Variants in ZFYVE28 observed in about 807,000 individuals in gnomAD.
ZFYVE28 encodes the protein zinc finger FYVE-type containing 28, also known as lateral signaling target protein 2 homolog.
Under a neutral mutation model 82.1 loss-of-function variants are expected in ZFYVE28, and 40 were observed. The observed-to-expected ratio is 0.49, with a 90% CI of 0.38 to 0.63. ZFYVE28 has a LOEUF of 0.63. ZFYVE28 is among the 30% of genes least tolerant of loss of function. The pLI is 0.00. For synonymous variants in ZFYVE28, 612 were observed against 546.1 expected, an observed-to-expected ratio of 1.12 and a Z score of -1.68; for missense variants, 1,321 against 1,242.1, an observed-to-expected ratio of 1.06 and a Z score of -0.96.
chr4:2,355,909 A>G (rs1339842174), intron 1 of ZFYVE28, among the ~76,000 whole-genome samples: 3 of 152,226 alleles, frequency 2.0e-5, no homozygotes, highest in African/African-American at 7.2e-5. Context: ...GACTCTTTAT[A>G]ATCACAGAGA....
chr4:2,301,385 T>C (rs1479821285), intron 8 of ZFYVE28, among the ~76,000 whole-genome samples: 1 of 152,160 alleles, frequency 6.6e-6, no homozygotes, highest in African/African-American at 2.4e-5. Flanking sequence ...CTGACCTAAA[T>C]TGAACCGAAC....
At chr4:2,384,159 G>T (rs1322139349) in intron 1 of ZFYVE28, among the ~76,000 whole-genome samples, 1 of 152,154 alleles carries the variant, frequency 6.6e-6, no homozygotes, top group Non-Finnish European at 1.5e-5. Context: ...AGGCCCCCGG[G>T]ACTGTCAGCC....
Position 2,304,322 on chromosome 4 carries a change from G to GC in ZFYVE28, c.2017dup (p.Ala673GlyfsTer67). ...CGACAGGGCCTGAGGCGCCTCGTGA[G>GC]CCGAGGGGCTCCCAGCATGCAGCTC... On this transcript the variant is annotated frameshift_variant, in exon 8 of 13. Transcript: ENST00000290974. LOFTEE classifies it high-confidence loss of function. The GC allele has an allele frequency of 6.2e-7, 1 of 1,600,636 alleles. No individual in the cohort carries two copies. The highest frequency in any genetic ancestry group is 8.5e-7 in the Non-Finnish European group (1 of 1,177,764).
chr4:2,289,484 A>G (rs1458351107), intron 8 of ZFYVE28, among the ~76,000 whole-genome samples: 1 of 152,172 alleles, frequency 6.6e-6, no homozygotes. Flanking sequence ...CCACTGGGCC[A>G]GACCTCAGGG....
rs1726357237 is a variant in ZFYVE28, at chr4:2,362,909, A to G, written c.40-8836T>C. ...CCTTGGCCTCCTGCGGACCCCACCC[A>G]CCCCTGCTCTCTCTCAGGACTCGGT... On this transcript the variant is annotated intron_variant, in intron 1 of 12. Coordinates refer to ENST00000290974, the MANE Select transcript of ZFYVE28 (RefSeq NM_020972.3). The surrounding 1 kb of genome is among the most constrained non-coding windows in gnomAD (Gnocchi z 5.1). 6.6e-6 allele frequency among the ~76,000 whole-genome samples: 1 copy of G among 151,486 alleles called. No individual in the cohort carries two copies. The highest frequency in any genetic ancestry group is 2.1e-4 in the South Asian group (1 of 4,776).
In ZFYVE28 at chr4:2,409,767, C is replaced by G. The variant is rs979769517; in HGVS notation, c.39+8518G>C. Among the ~76,000 whole-genome samples the G allele has an allele frequency of 9.8e-5, 15 of 152,350 alleles. No individual in the cohort carries two copies. The highest frequency in any genetic ancestry group is 3.1e-4 in the African/African-American group (13 of 41,580). Reference sequence around the variant, plus strand: ...TGAGAAATTTGTCAGAACTACCCAACCACGATCAATCCCAGACACAGAACT... The same window carrying G: ...TGAGAAATTTGTCAGAACTACCCAAGCACGATCAATCCCAGACACAGAACT... On this transcript the variant is annotated intron_variant, in intron 1 of 12. Coordinates refer to ENST00000290974, the MANE Select transcript of ZFYVE28 (RefSeq NM_020972.3). This position sits in a 1 kb window ranked among gnomAD's most constrained non-coding sequence, Gnocchi z 4.4.
chr4:2,377,929 T>G lies in ZFYVE28; in HGVS notation c.40-23856A>C, dbSNP rs145593957. On this transcript the variant is annotated intron_variant, in intron 1 of 12. Coordinates refer to ENST00000290974, the MANE Select transcript of ZFYVE28 (RefSeq NM_020972.3). ...ACCTAGGCTACATGGTAGAGCCTGT[T>G]GCTCCTGGGCCACAAACCTGCACAG... Among the ~76,000 whole-genome samples the G allele has an allele frequency of 6.0e-4, 91 of 152,366 alleles. 1 individual carries two copies. Among genetic ancestry groups the G allele is most frequent in the Non-Finnish European group, 5.9e-4 (40 of 68,034 alleles).
At chr4:2,292,750 G>A (rs4974646) in intron 8 of ZFYVE28, among the ~76,000 whole-genome samples, 16 of 152,180 alleles carry the variant, frequency 1.1e-4, no homozygotes, top group Admixed American at 9.2e-4. Context: ...AATAATGCCC[G>A]TTCTACACAA....
chr4:2,346,687 T>C (rs556109499), intron 2 of ZFYVE28, among the ~76,000 whole-genome samples: 29 of 152,272 alleles, frequency 1.9e-4, no homozygotes, highest in African/African-American at 7.0e-4. Context: ...TGAAGGTATC[T>C]GTAATTAAAG....
rs991699867 is a variant in ZFYVE28, at chr4:2,418,338, T to A, written c.-15A>T. The A allele has an allele frequency of 6.7e-7, 1 of 1,502,438 alleles. No individual in the cohort carries two copies. Among genetic ancestry groups the A allele is most frequent in the Non-Finnish European group, 8.9e-7 (1 of 1,122,854 alleles). 93.1% of individuals were successfully genotyped at this position (1,502,438 alleles called of 1,614,324 possible). On this transcript the variant is annotated 5_prime_UTR_variant, in exon 1 of 13. Coordinates refer to ENST00000290974, the MANE Select transcript of ZFYVE28 (RefSeq NM_020972.3). This position sits in a 1 kb window ranked among gnomAD's most constrained non-coding sequence, Gnocchi z 4.6. The stretch of plus-strand genomic sequence containing the variant: ...CTGTTCATCATCGCCGCGCCGGCCC[T>A]GGCCGGACTCCGGGCGGCCCTCGCC...
chr4:2,288,159 G>C (rs908642560), intron 8 of ZFYVE28, among the ~76,000 whole-genome samples: 12 of 152,142 alleles, frequency 7.9e-5, no homozygotes, highest in Non-Finnish European at 1.6e-4. Flanking sequence ...CCTGGAGGAG[G>C]CGGCCTGGCC....
intron 1 of ZFYVE28, among the ~76,000 whole-genome samples, chr4:2,401,881 A>G (rs908100586): frequency 6.6e-6 from 1 of 152,174 alleles, no homozygotes; most frequent in African/African-American, 2.4e-5. Flanking sequence ...CGAGCCTCTC[A>G]TGAGAAAGAC....
At chr4:2,373,473 C>T (rs910432688) in intron 1 of ZFYVE28, among the ~76,000 whole-genome samples, 6 of 152,196 alleles carry the variant, frequency 3.9e-5, no homozygotes, top group African/African-American at 1.4e-4. Context: ...CCACTGCACT[C>T]CAGCCTGGGC....
intron 1 of ZFYVE28, among the ~76,000 whole-genome samples, chr4:2,358,483 C>T (rs533374447): frequency 8.5e-5 from 13 of 152,282 alleles, no homozygotes; most frequent in African/African-American, 2.9e-4. Flanking sequence ...CTCCAGTTAG[C>T]GGGGATGCTT....
At position 2,283,346 on chromosome 4, in the gene ZFYVE28, T is replaced by TCCAC. The variant is rs1712220982; in HGVS notation, c.2052-9131_2052-9130insGTGG. ...ATCTACCCACCCACCCATCCATTTA[T>TCCAC]CCATCCATCCATCCATCCATCCATC... is the stretch of plus-strand genomic sequence containing the variant. On this transcript the variant is annotated intron_variant, in intron 8 of 12. Transcript: ENST00000290974. 4.7e-5 allele frequency among the ~76,000 whole-genome samples: 6 copies of TCCAC among 128,520 alleles called. 1 individual carries two copies. In the South Asian group the frequency reaches 1.6e-3, roughly 34 times the overall value. 84.3% of individuals were successfully genotyped at this position (128,520 alleles called of 152,430 possible). A position where few individuals can be genotyped will look rare whatever the true frequency, so the allele number is the denominator to read the frequency against.
At chr4:2,298,853 C>T (rs868320050) in intron 8 of ZFYVE28, among the ~76,000 whole-genome samples, 6 of 152,290 alleles carry the variant, frequency 3.9e-5, no homozygotes, top group Middle Eastern at 3.4e-3. Flanking sequence ...GAGGCCCTTG[C>T]GCTGGTTCCA....
chr4:2,386,606 GCT>G (rs1472371535), intron 1 of ZFYVE28, among the ~76,000 whole-genome samples: 2 of 152,136 alleles, frequency 1.3e-5, no homozygotes, highest in Non-Finnish European at 2.9e-5. Context: ...AGCTACCTTG[GCT>G]CTCTCTCCTA....
intron 8 of ZFYVE28, among the ~76,000 whole-genome samples, chr4:2,288,370 G>A (rs543060115): frequency 1.3e-5 from 2 of 152,386 alleles, no homozygotes; most frequent in South Asian, 2.1e-4. Flanking sequence ...TCTGTGCAGT[G>A]AGGGGGTGGG....
At chr4:2,276,310 C>A (rs1376213367) in intron 8 of ZFYVE28, among the ~76,000 whole-genome samples, 1 of 152,208 alleles carries the variant, frequency 6.6e-6, no homozygotes, top group Non-Finnish European at 1.5e-5. Flanking sequence ...AACAATGCTC[C>A]GTGGCTCTCC....
Sources: gnomAD v4.1 joint callset for allele counts (sites outside exome capture counted in the v4.1 genomes callset) on GRCh38, gnomAD v4.1.1 for gene constraint, Gnocchi (gnomAD v3.1) non-coding constraint, MANE v1.5 for transcripts, NCBI Gene and HGNC (gene_info 2026-07-23, HGNC 2026-07-21) for gene names.